Variants in FAXC observed in about 807,000 individuals in gnomAD.
FAXC encodes failed axon connections homolog.
A neutral mutation model predicts 41.9 loss-of-function variants in FAXC; 10 were observed. The observed-to-expected ratio is 0.24, with a 90% CI of 0.15 to 0.41. The LOEUF is 0.41. Ranked by LOEUF, FAXC falls within the 10% of genes least tolerant of loss-of-function variation. The pLI is 1.00. For synonymous variants in FAXC, 183 were observed against 183.8 expected, an observed-to-expected ratio of 1.00 and a Z score of 0.03; for missense variants, 399 against 510.9, an observed-to-expected ratio of 0.78 and a Z score of 2.11.
chr6:99,314,104 G>A (rs937564511), intron 4 of FAXC, among the ~76,000 whole-genome samples: 4 of 152,038 alleles, frequency 2.6e-5, no homozygotes, highest in African/African-American at 4.8e-5. Context: ...GGCCTCAAGC[G>A]ATTCCCATTG....
At chr6:99,282,183 G>A (rs1003819989) in intron 5 of FAXC, among the ~76,000 whole-genome samples, 1 of 152,134 alleles carries the variant, frequency 6.6e-6, no homozygotes, top group Non-Finnish European at 1.5e-5. Context: ...CATATCAAGA[G>A]AGCTAATGCT....
intron 4 of FAXC, among the ~76,000 whole-genome samples, chr6:99,312,663 A>G (rs188949680): frequency 1.3e-5 from 2 of 152,016 alleles, no homozygotes; most frequent in African/African-American, 4.8e-5. Flanking sequence ...AAAATCAGAG[A>G]CTCCAGACCA....
chr6:99,331,127 G>A (rs1773011175), intron 3 of FAXC, among the ~76,000 whole-genome samples: 1 of 152,160 alleles, frequency 6.6e-6, no homozygotes, highest in South Asian at 2.1e-4. Flanking sequence ...TATTAGATAT[G>A]TGCATCTCAA....
chr6:99,279,770 G>C lies in FAXC; in HGVS notation c.*1394C>G, dbSNP rs1770758437. 6.6e-6 allele frequency: 1 copy of C among 152,238 alleles called. No homozygotes were observed. Among genetic ancestry groups the C allele is most frequent in the Non-Finnish European group, 1.5e-5 (1 of 68,042 alleles). The allele number at this position is 152,238 out of a possible 1,614,324, so 9.4% of individuals were successfully genotyped here. A position where few individuals can be genotyped will look rare whatever the true frequency, so the allele number is the denominator to read the frequency against. ...TCATCGAATACTATAGGGAAAGAGA[G>C]AGAGAACGGGGATGAGACAGCAAAA... On this transcript the variant is annotated 3_prime_UTR_variant, in exon 6 of 6. Transcript: ENST00000389677.
chr6:99,305,112 G>C (rs1424938531), intron 4 of FAXC, among the ~76,000 whole-genome samples: 1 of 152,128 alleles, frequency 6.6e-6, no homozygotes, highest in Non-Finnish European at 1.5e-5. Context: ...AGATGAGGTT[G>C]GAGATGTGAG....
At chr6:99,294,553 G>A (rs1024224555) in intron 4 of FAXC, among the ~76,000 whole-genome samples, 1 of 152,196 alleles carries the variant, frequency 6.6e-6, no homozygotes, top group African/African-American at 2.4e-5. Flanking sequence ...CAGCCTCAGA[G>A]AGAAGAAAAC....
intron 3 of FAXC, among the ~76,000 whole-genome samples, chr6:99,332,173 G>A (rs1279754099): frequency 2.6e-5 from 4 of 152,138 alleles, no homozygotes; most frequent in Non-Finnish European, 1.5e-5. Flanking sequence ...AGAAAAAGAA[G>A]AGGGTCACTT....
In FAXC at chr6:99,343,010, T is replaced by G. The variant is rs1415187495; in HGVS notation, c.290A>C (p.Lys97Thr). 3 of 1,609,202 alleles carry G rather than the reference T, an allele frequency of 1.9e-6. No homozygotes were observed. In the African/African-American group the frequency reaches 4.0e-5, roughly 22 times the overall value. Reference protein sequence around the residue: ...VIRKQQEIDSKDAIILHQFAR... With the variant: ...VIRKQQEIDSTDAIILHQFAR... ...AAACTGATGCAAAATAATAGCATCTTTAGAGTCAATCTCTTGCTGTTTCCT... is the reference window on the plus strand; with the variant it reads ...AAACTGATGCAAAATAATAGCATCTGTAGAGTCAATCTCTTGCTGTTTCCT... Residue 97 changes from lysine (K) to threonine (T), a missense_variant, in exon 2 of 6, where the codon AAA becomes ACA. Physicochemically the swap from Lys to Thr is moderately conservative, Grantham distance 78. Around this residue, in one of 3 missense-constraint regions of FAXC, gnomAD observed 239 missense variants for 352.7 expected, o/e 0.68. Transcript: ENST00000389677.
chr6:99,290,015 T>G (rs1197152740), intron 5 of FAXC, among the ~76,000 whole-genome samples: 2 of 151,886 alleles, frequency 1.3e-5, no homozygotes, highest in African/African-American at 2.4e-5. Flanking sequence ...GAACAAGTAT[T>G]GTTTTTCACA....
chr6:99,342,281 A>G (rs1369165621), intron 2 of FAXC, among the ~76,000 whole-genome samples: 5 of 152,334 alleles, frequency 3.3e-5, no homozygotes, highest in Admixed American at 1.3e-4. Flanking sequence ...AAACCACATC[A>G]GGCAGTGGCA....
At chr6:99,304,896 C>T (rs1309537598) in intron 4 of FAXC, among the ~76,000 whole-genome samples, 5 of 152,334 alleles carry the variant, frequency 3.3e-5, no homozygotes, top group African/African-American at 1.2e-4. Flanking sequence ...GCACCTCCAA[C>T]ATAGCCCAGG....
At chr6:99,306,196 C>G (rs573500236) in intron 4 of FAXC, among the ~76,000 whole-genome samples, 45 of 152,128 alleles carry the variant, frequency 3.0e-4, no homozygotes, top group African/African-American at 1.0e-3. Context: ...GCCTGAAAAT[C>G]AGAATAAGCT....
intron 4 of FAXC, among the ~76,000 whole-genome samples, chr6:99,316,157 GC>G (rs71021722): frequency 0.35 from 51,426 of 146,258 alleles, 9,375 homozygotes; most frequent in Middle Eastern, 0.45. Flanking sequence ...TAACCCACTC[GC>G]CCCCCCCCAC....
chr6:99,349,250 G>A lies in FAXC; in HGVS notation c.123C>T (p.Asp41=). Residue 41 remains aspartate, a synonymous_variant, in exon 1 of 6, where the codon GAC becomes GAT. Coordinates refer to ENST00000389677, the MANE Select transcript of FAXC (RefSeq NM_032511.4). ...GSEEPFSFYG[D]IIAFPLQDYG... The stretch of plus-strand genomic sequence containing the variant: ...AATCCTGCAAAGGGAAAGCGATGAT[G>A]TCCCCATAAAAGGAGAAGGGCTCCT... 6.2e-7 allele frequency: 1 copy of A among 1,613,902 alleles called. No individual in the cohort carries two copies. Among genetic ancestry groups the A allele is most frequent in the Non-Finnish European group, 8.5e-7 (1 of 1,180,026 alleles).
chr6:99,311,874 G>A (rs905075569), intron 4 of FAXC, among the ~76,000 whole-genome samples: 3 of 152,048 alleles, frequency 2.0e-5, no homozygotes, highest in African/African-American at 7.2e-5. Flanking sequence ...TCTTATGCCT[G>A]TCATCTACAG....
chr6:99,337,237 T>A (rs1390442874), intron 2 of FAXC, among the ~76,000 whole-genome samples: 1 of 147,208 alleles, frequency 6.8e-6, no homozygotes, highest in Non-Finnish European at 1.5e-5. Context: ...ACTGTACTAT[T>A]CTTTTGTCTG....
At chr6:99,298,918 C>A (rs1000019872) in intron 4 of FAXC, among the ~76,000 whole-genome samples, 1 of 152,098 alleles carries the variant, frequency 6.6e-6, no homozygotes, top group Non-Finnish European at 1.5e-5. Flanking sequence ...CCAGATACTC[C>A]CCATCCCCAA....
intron 2 of FAXC, chr6:99,334,766 A>T (rs754434260): frequency 1.2e-3 from 207 of 165,748 alleles, no homozygotes; most frequent in Non-Finnish European, 2.3e-3. Flanking sequence ...GCTGCTGCTC[A>T]AAATTATCCA....
chr6:99,303,613 T>C (rs1388988753), intron 4 of FAXC, among the ~76,000 whole-genome samples: 5 of 152,368 alleles, frequency 3.3e-5, no homozygotes, highest in Admixed American at 6.5e-5. Flanking sequence ...CTTAAGAGAA[T>C]GCCCAAGGTT....
Sources: allele counts gnomAD v4.1 joint callset (sites outside exome capture counted in the v4.1 genomes callset), GRCh38; gene constraint gnomAD v4.1.1; regional missense constraint gnomAD v4.1.1; transcripts MANE v1.5; gene names NCBI Gene and HGNC (gene_info 2026-07-23, HGNC 2026-07-21).